Variants in COPG2 observed in about 807,000 individuals in gnomAD.
The protein encoded by COPG2 is coatomer subunit gamma-2.
Under a neutral mutation model 46.3 loss-of-function variants are expected in COPG2, and 37 were observed. The observed-to-expected ratio is 0.80, with a 90% CI of 0.61 to 1.05. The LOEUF is 1.05. Among genes scored for constraint, COPG2 ranks in the 50% least tolerant of loss-of-function variants. COPG2 has a pLI of 0.00. For synonymous variants in COPG2, 159 were observed against 129.7 expected (o/e 1.23, Z -1.53); for missense variants, 427 against 387.8 (o/e 1.10, Z -0.85).
intron 5 of COPG2, among the ~76,000 whole-genome samples, chr7:130,639,766 T>C (rs1243975407): frequency 6.6e-6 from 1 of 152,224 alleles, no homozygotes; most frequent in Non-Finnish European, 1.5e-5. Context: ...TATCCATTCC[T>C]CCATGTCTTT....
intron 5 of COPG2, among the ~76,000 whole-genome samples, chr7:130,639,058 C>A (rs1554456830): frequency 6.6e-6 from 1 of 152,192 alleles, no homozygotes; most frequent in Non-Finnish European, 1.5e-5. Flanking sequence ...AGGGGCTGCA[C>A]CCACTGTCTA....
chr7:130,537,692 C>A lies in COPG2; in HGVS notation c.2149+9982G>T, dbSNP rs1799894688. 7.2e-5 allele frequency among the ~76,000 whole-genome samples: 11 copies of A among 152,300 alleles called. No homozygotes were observed. In the South Asian group the frequency reaches 2.3e-3, roughly 32 times the overall value. On this transcript the variant is annotated intron_variant, in intron 20 of 23. Coordinates refer to ENST00000425248, the MANE Select transcript of COPG2 (RefSeq NM_012133.6). ...ACAGAGGTGAGCTTGTTGAGAGGAT[C>A]AGGGAATGTACTGCAGCAAGGGAGG...
intron 8 of COPG2, 23 bp from the exon 9 acceptor site, chr7:130,611,133 T>G (rs1465973369): frequency 1.9e-6 from 3 of 1,598,342 alleles, no homozygotes; most frequent in Non-Finnish European, 1.7e-6. Flanking sequence ...AAAAAGAAGG[T>G]AGCACATGGA....
chr7:130,553,143 C>G (rs1225374899), intron 14 of COPG2, among the ~76,000 whole-genome samples: 2 of 152,148 alleles, frequency 1.3e-5, no homozygotes, highest in African/African-American at 4.8e-5. Context: ...CGAATGGCCC[C>G]TGCCCAGAGA....
At chr7:130,652,420 C>T (rs941343833) in intron 5 of COPG2, among the ~76,000 whole-genome samples, 1 of 152,060 alleles carries the variant, frequency 6.6e-6, no homozygotes, top group South Asian at 2.1e-4. Context: ...AATATTATAC[C>T]TCATTCTTGA....
chr7:130,638,775 T>C (rs1330045198), intron 5 of COPG2, among the ~76,000 whole-genome samples: 2 of 151,020 alleles, frequency 1.3e-5, no homozygotes, highest in African/African-American at 4.9e-5. Context: ...CACTGAGGTA[T>C]GAAAAAAAAA....
chr7:130,590,674 C>A, intron 9 of COPG2, among the ~76,000 whole-genome samples: 1 of 152,028 alleles, frequency 6.6e-6, no homozygotes, highest in East Asian at 1.9e-4. Context: ...TGCCCGGCCA[C>A]CACCCCGTCT....
intron 5 of COPG2, among the ~76,000 whole-genome samples, chr7:130,639,851 T>A (rs1443711037): frequency 6.6e-6 from 1 of 152,142 alleles, no homozygotes; most frequent in East Asian, 1.9e-4. Context: ...AATATGGGGT[T>A]CTCTCAAGAG....
chr7:130,563,512 T>C (rs890033087), intron 10 of COPG2, among the ~76,000 whole-genome samples, 176 bp from the exon 11 acceptor site: 57 of 152,064 alleles, frequency 3.7e-4, no homozygotes, highest in Non-Finnish European at 6.9e-4. Flanking sequence ...ATATACCATA[T>C]AGCTGAAAAT....
intron 5 of COPG2, among the ~76,000 whole-genome samples, chr7:130,652,662 C>G (rs1202104069): frequency 5.3e-5 from 8 of 152,108 alleles, no homozygotes; most frequent in African/African-American, 1.9e-4. Context: ...TCAAATCTAT[C>G]AGTATTATCT....
At chr7:130,627,645 C>T (rs1795141564) in intron 5 of COPG2, among the ~76,000 whole-genome samples, 1 of 152,106 alleles carries the variant, frequency 6.6e-6, no homozygotes, top group Admixed American at 6.6e-5. Flanking sequence ...ATAGTCACTA[C>T]CCACAGCAAC....
chr7:130,630,820 T>C (rs62473502), intron 5 of COPG2, among the ~76,000 whole-genome samples: 29,423 of 152,140 alleles, frequency 0.19, 3,032 homozygotes, highest in Middle Eastern at 0.25. Context: ...TCTAATCTAT[T>C]TGTTTCTTTA....
At chr7:130,594,560 A>G (rs1794490180) in intron 9 of COPG2, among the ~76,000 whole-genome samples, 1 of 152,258 alleles carries the variant, frequency 6.6e-6, no homozygotes, top group South Asian at 2.1e-4. Context: ...CTATATCAAG[A>G]AAGTGAAGAG....
chr7:130,658,589 C>T (rs1034725605), intron 4 of COPG2, among the ~76,000 whole-genome samples: 1 of 151,890 alleles, frequency 6.6e-6, no homozygotes, highest in South Asian at 2.1e-4. Context: ...AGGCAAGCCA[C>T]AGACTGGGAG....
At chr7:130,512,599 G>T (rs912618954) in intron 20 of COPG2, among the ~76,000 whole-genome samples, 27 of 152,064 alleles carry the variant, frequency 1.8e-4, no homozygotes, top group Non-Finnish European at 2.2e-4. Context: ...GGCCAAGATG[G>T]TGAAACCCCG....
intron 9 of COPG2, among the ~76,000 whole-genome samples, chr7:130,578,883 G>C (rs1794072461): frequency 6.7e-6 from 1 of 149,546 alleles, no homozygotes; most frequent in Admixed American, 6.7e-5. Context: ...TGGTGTACCT[G>C]AAAGTGATGG....
At position 130,652,866 on chromosome 7, in the gene COPG2, T is replaced by C. The variant is rs781836981; in HGVS notation, c.323+3A>G. ...TCATCCTAGATTTTGACCATTTACA[T>C]ACCTGCTTGTGACAATTATCACATC... On this transcript the variant is annotated splice_donor_region_variant and intron_variant, in intron 5 of 23. Coordinates refer to ENST00000425248, the MANE Select transcript of COPG2 (RefSeq NM_012133.6). 1.3e-6 allele frequency: 2 copies of C among 1,584,632 alleles called. No individual in the cohort carries two copies. Among genetic ancestry groups the C allele is most frequent in the Non-Finnish European group, 1.7e-6 (2 of 1,157,930 alleles).
chr7:130,636,379 TG>T (rs1244817120), intron 5 of COPG2, among the ~76,000 whole-genome samples: 3 of 152,180 alleles, frequency 2.0e-5, no homozygotes, highest in Non-Finnish European at 4.4e-5. Flanking sequence ...TTTATGAATC[TG>T]GGTGCTCCTG....
chr7:130,641,511 A>T (rs1795487921), intron 5 of COPG2, among the ~76,000 whole-genome samples: 1 of 152,218 alleles, frequency 6.6e-6, no homozygotes, highest in African/African-American at 2.4e-5. Context: ...TCTGAAAGCC[A>T]AAGATGGTAC....
Sources: allele counts gnomAD v4.1 joint callset (sites outside exome capture counted in the v4.1 genomes callset), GRCh38; gene constraint gnomAD v4.1.1; transcripts MANE v1.5; gene names NCBI Gene and HGNC (gene_info 2026-07-23, HGNC 2026-07-21).